Variants in LPXN observed in about 807,000 individuals in gnomAD.
LPXN encodes leupaxin.
Under a neutral mutation model 45.6 loss-of-function variants are expected in LPXN, and 28 were observed. The observed-to-expected ratio is 0.61, with a 90% CI of 0.45 to 0.84. The LOEUF is 0.84. Ranked by LOEUF, LPXN falls within the 40% of genes least tolerant of loss-of-function variation. LPXN has a pLI of 0.00. For missense variants in LPXN, 459 were observed against 475.0 expected, an observed-to-expected ratio of 0.97 and a Z score of 0.31; for synonymous variants, 166 against 169.9, an observed-to-expected ratio of 0.98 and a Z score of 0.18.
upstream of LPXN, chr11:58,577,861 G>A: frequency 1.3e-6 from 1 of 783,182 alleles, no homozygotes; most frequent in Admixed American, 3.4e-5. Context: ...GTCCCAACAA[G>A]GTCTAGTAGA....
intron 2 of LPXN, among the ~76,000 whole-genome samples, chr11:58,569,833 TAA>T (rs889692485): frequency 6.6e-6 from 1 of 152,140 alleles, no homozygotes; most frequent in African/African-American, 2.4e-5. Flanking sequence ...GTAGTGACCC[TAA>T]AAAGTCACCC....
intron 7 of LPXN, among the ~76,000 whole-genome samples, chr11:58,537,675 A>T (rs1853591627): frequency 6.6e-6 from 1 of 152,138 alleles, no homozygotes; most frequent in South Asian, 2.1e-4. Flanking sequence ...TAAAAACGAA[A>T]TAGTTCATTC....
chr11:58,570,625 G>A lies in LPXN; in HGVS notation c.102C>T (p.Ser34=), dbSNP rs150635087. ...NPAPLPLDQH[S]RKETNLDETS... ...TCTCATCAAGGTTAGTCTCCTTTCT[G>A]GAATGCTGATCCAGGGGAAGAGGAG... Residue 34 remains serine (S), a synonymous_variant, in exon 2 of 9, where the codon TCC becomes TCT. Transcript: ENST00000395074. 76 of 1,613,602 alleles carry A rather than the reference G, an allele frequency of 4.7e-5. No individual in the cohort carries two copies. Among genetic ancestry groups the A allele is most frequent in the Non-Finnish European group, 6.2e-5 (73 of 1,179,836 alleles).
chr11:58,565,002 G>A (rs1219014873), intron 2 of LPXN, among the ~76,000 whole-genome samples: 3 of 152,294 alleles, frequency 2.0e-5, no homozygotes, highest in African/African-American at 7.2e-5. Flanking sequence ...CCTGAGCAGA[G>A]TGAACCAAGG....
In LPXN at chr11:58,545,304, T is replaced by G. The variant is rs1026071611; in HGVS notation, c.742+4482A>C. On this transcript the variant is annotated intron_variant, in intron 7 of 8. Coordinates refer to ENST00000395074, the MANE Select transcript of LPXN (RefSeq NM_004811.3). The stretch of plus-strand genomic sequence containing the variant: ...GTCATCCTATGGATTGGGTATTTTT[T>G]TGTGTGTGTATCTAACTTATGTCTC... 3.9e-5 allele frequency among the ~76,000 whole-genome samples: 6 copies of G among 152,298 alleles called. No homozygotes were observed. The East Asian group carries it at 1.2e-3, about 29-fold the overall frequency.
intron 3 of LPXN, among the ~76,000 whole-genome samples, chr11:58,560,703 T>C (rs1854348004): frequency 6.6e-6 from 1 of 152,104 alleles, no homozygotes; most frequent in Admixed American, 6.5e-5. Flanking sequence ...CACCTCCAAA[T>C]GAAAAACTGG....
rs976853118 is a variant in LPXN, at chr11:58,526,945, C to T, written c.*509G>A. On this transcript the variant is annotated 3_prime_UTR_variant, in exon 9 of 9. Transcript: ENST00000395074. ...GTTGTCCAGTTAAAATCTACTTCCT[C>T]TTGAAAAACAAAAATACACTGAAGG... is the stretch of plus-strand genomic sequence containing the variant. 1 of 155,590 alleles carries T rather than the reference C, an allele frequency of 6.4e-6. No homozygotes were observed. The allele number at this position is 155,590 out of a possible 1,614,324, so 9.6% of individuals were successfully genotyped here.
Position 58,564,200 on chromosome 11 carries a change from G to A in LPXN, c.173C>T (p.Ala58Val), listed in dbSNP as rs373386855. The A allele has an allele frequency of 4.8e-4, 762 of 1,601,840 alleles. 6 individuals are homozygous for A. In the South Asian group the frequency reaches 8.0e-3, roughly 17 times the overall value. ...GATATTGGTAGTATACACGAGCTGC[G>A]CCTAAGATATATAAGTGACAAGAGA... Reference protein sequence around the residue: ...SIQDNTSPLPAQLVYTTNIQE... With the variant: ...SIQDNTSPLPVQLVYTTNIQE... Residue 58 changes from alanine to valine, a missense_variant and splice_region_variant, in exon 3 of 9, where the codon GCG becomes GTG. By Grantham distance (64) the Ala-to-Val change is moderately conservative. Transcript: ENST00000395074.
intron 1 of LPXN, among the ~76,000 whole-genome samples, chr11:58,572,969 G>A (rs900424527): frequency 6.6e-6 from 1 of 152,116 alleles, no homozygotes; most frequent in Middle Eastern, 3.2e-3. Context: ...AATAGGCCGG[G>A]CATGGTGGCT....
upstream of LPXN, chr11:58,578,147 G>C (rs933473868): frequency 6.9e-7 from 1 of 1,447,720 alleles, no homozygotes; most frequent in African/African-American, 1.5e-5. Flanking sequence ...CCAACGCCCA[G>C]ATAAAAAGTA....
intron 2 of LPXN, among the ~76,000 whole-genome samples, chr11:58,569,420 A>C (rs1044703287): frequency 2.6e-5 from 4 of 151,808 alleles, no homozygotes; most frequent in Admixed American, 6.6e-5. Flanking sequence ...ACAAGCTCTC[A>C]TTCTGTCGCC....
At chr11:58,578,184 C>A, upstream of LPXN, 3 of 1,180,714 alleles carry the variant, frequency 2.5e-6, no homozygotes, top group African/African-American at 1.6e-5. Flanking sequence ...ACCCTCCCAT[C>A]AGACCAGCAA....
intron 1 of LPXN, among the ~76,000 whole-genome samples, chr11:58,574,505 T>A (rs892546173): frequency 1.3e-5 from 2 of 152,224 alleles, no homozygotes; most frequent in African/African-American, 4.8e-5. Context: ...CTTGATTTAC[T>A]AAATAAGTAT....
chr11:58,559,288 C>T (rs1297565051), intron 3 of LPXN, among the ~76,000 whole-genome samples: 1 of 152,028 alleles, frequency 6.6e-6, no homozygotes, highest in Non-Finnish European at 1.5e-5. Context: ...AAGGCAGTAT[C>T]TATCAACATT....
intron 7 of LPXN, among the ~76,000 whole-genome samples, chr11:58,543,628 C>G (rs975965633): frequency 6.6e-6 from 1 of 152,126 alleles, no homozygotes; most frequent in Non-Finnish European, 1.5e-5. Context: ...CCTGACTAGT[C>G]AGTAGAGGAG....
intron 1 of LPXN, among the ~76,000 whole-genome samples, chr11:58,572,132 C>A (rs929565462): frequency 6.6e-6 from 1 of 151,928 alleles, no homozygotes; most frequent in Non-Finnish European, 1.5e-5. Flanking sequence ...AAACTTTAAA[C>A]ACATAATTAC....
At chr11:58,570,021 C>T (rs747954701) in intron 2 of LPXN, among the ~76,000 whole-genome samples, 1 of 151,984 alleles carries the variant, frequency 6.6e-6, no homozygotes, top group East Asian at 1.9e-4. Context: ...ATGTAGTTCT[C>T]GGCTGGGCGT....
upstream of LPXN, chr11:58,575,928 T>C (rs1362558440): frequency 6.8e-7 from 1 of 1,467,956 alleles, no homozygotes; most frequent in East Asian, 2.4e-5. Context: ...TCCTCTCTTT[T>C]GATTTGGTGA....
At chr11:58,577,743 T>C (rs549071995), upstream of LPXN, among the ~76,000 whole-genome samples, 414 of 151,840 alleles carry the variant, frequency 2.7e-3, 2 homozygotes, top group African/African-American at 9.6e-3. Context: ...TAAGAGACCC[T>C]TCAGCTTCTC....
Sources: gnomAD v4.1 joint callset for allele counts (sites outside exome capture counted in the v4.1 genomes callset) on GRCh38, gnomAD v4.1.1 for gene constraint, MANE v1.5 for transcripts, NCBI Gene and HGNC (gene_info 2026-07-23, HGNC 2026-07-21) for gene names.